Variants in NR2F1-AS1 observed in about 807,000 individuals in gnomAD.
NR2F1-AS1 encodes the protein NR2F1 antisense RNA 1.
intron 4 of NR2F1-AS1, among the ~76,000 whole-genome samples, chr5:93,531,705 A>G (rs1580308622): frequency 6.6e-6 from 1 of 152,168 alleles, no homozygotes; most frequent in East Asian, 1.9e-4. Flanking sequence ...TTAACAAAGT[A>G]TTACAATCCA....
At chr5:93,571,231 C>T (rs1457831807) in intron 1 of NR2F1-AS1, 1 of 152,194 alleles carries the variant, frequency 6.6e-6, no homozygotes. Flanking sequence ...GACCTAGCGC[C>T]AGGTCACGAT....
chr5:93,529,379 CACT>C (rs1350651375), intron 4 of NR2F1-AS1, among the ~76,000 whole-genome samples: 12 of 152,136 alleles, frequency 7.9e-5, no homozygotes, highest in Non-Finnish European at 7.4e-5. Context: ...TAGTAACCAC[CACT>C]GTCTTAGTAA....
At chr5:93,429,319 A>G (rs1230889596) in intron 4 of NR2F1-AS1, among the ~76,000 whole-genome samples, 1 of 152,182 alleles carries the variant, frequency 6.6e-6, no homozygotes, top group Non-Finnish European at 1.5e-5. Context: ...ATGACTTTAC[A>G]TTGCAGATTA....
chr5:93,441,052 T>C (rs773318649), intron 4 of NR2F1-AS1, among the ~76,000 whole-genome samples: 1 of 152,228 alleles, frequency 6.6e-6, no homozygotes, highest in Non-Finnish European at 1.5e-5. Context: ...AAACCTAATA[T>C]TTCTTCACCT....
At chr5:93,535,494 A>G (rs947586774) in intron 4 of NR2F1-AS1, among the ~76,000 whole-genome samples, 2 of 152,048 alleles carry the variant, frequency 1.3e-5, no homozygotes, top group Non-Finnish European at 2.9e-5. Context: ...ATGTTGATGT[A>G]TACAACAGAA....
intron 4 of NR2F1-AS1, chr5:93,410,036 T>C (rs961835634): frequency 6.6e-6 from 1 of 152,212 alleles, no homozygotes; most frequent in Non-Finnish European, 1.5e-5. Context: ...CTAAAATGTG[T>C]CATAGACACT....
At chr5:93,551,382 G>A (rs116659377) in intron 4 of NR2F1-AS1, among the ~76,000 whole-genome samples, 3 of 152,068 alleles carry the variant, frequency 2.0e-5, no homozygotes, top group Non-Finnish European at 2.9e-5. Context: ...TAATACAATA[G>A]TCAAAGAACA....
At chr5:93,409,885 A>T (rs546510780) in intron 4 of NR2F1-AS1, 1 of 152,342 alleles carries the variant, frequency 6.6e-6, no homozygotes, top group East Asian at 1.9e-4. Flanking sequence ...CATTTCTCAG[A>T]CAGCACACAG....
chr5:93,556,506 C>G (rs1032626483), intron 2 of NR2F1-AS1, among the ~76,000 whole-genome samples: 1 of 152,126 alleles, frequency 6.6e-6, no homozygotes, highest in Non-Finnish European at 1.5e-5. Flanking sequence ...TATGTTATAG[C>G]CTTAACCTCC....
intron 4 of NR2F1-AS1, among the ~76,000 whole-genome samples, chr5:93,538,510 T>C (rs1001032138): frequency 2.0e-5 from 3 of 152,108 alleles, no homozygotes; most frequent in African/African-American, 7.2e-5. Context: ...ATTCACAAAA[T>C]ATACAATAAT....
At chr5:93,440,547 C>T (rs1432704711) in intron 4 of NR2F1-AS1, among the ~76,000 whole-genome samples, 4 of 152,216 alleles carry the variant, frequency 2.6e-5, no homozygotes, top group Non-Finnish European at 1.5e-5. Flanking sequence ...TCTCTTGGTT[C>T]TCAGACCTTC....
chr5:93,521,754 C>T (rs1751505440), intron 4 of NR2F1-AS1, among the ~76,000 whole-genome samples: 2 of 152,158 alleles, frequency 1.3e-5, no homozygotes, highest in South Asian at 2.1e-4. Context: ...AACACTTATG[C>T]ACTATTGGTG....
intron 4 of NR2F1-AS1, among the ~76,000 whole-genome samples, chr5:93,455,708 A>G (rs988703264): frequency 3.3e-5 from 5 of 152,124 alleles, no homozygotes; most frequent in South Asian, 4.1e-4. Context: ...ACTAGGGATC[A>G]TATTAAGTAA....
chr5:93,518,696 A>T (rs905335904), intron 4 of NR2F1-AS1, among the ~76,000 whole-genome samples: 1 of 152,106 alleles, frequency 6.6e-6, no homozygotes, highest in Non-Finnish European at 1.5e-5. Flanking sequence ...ATGACAGATA[A>T]TACTAAATAA....
At chr5:93,521,207 C>T (rs1180236449) in intron 4 of NR2F1-AS1, among the ~76,000 whole-genome samples, 1 of 152,086 alleles carries the variant, frequency 6.6e-6, no homozygotes, top group Non-Finnish European at 1.5e-5. Context: ...ACACCACATA[C>T]AAAAATCAAC....
intron 4 of NR2F1-AS1, among the ~76,000 whole-genome samples, chr5:93,516,369 T>C (rs944991158): frequency 2.0e-5 from 3 of 151,890 alleles, no homozygotes; most frequent in Non-Finnish European, 4.4e-5. Context: ...TCACCCTTTC[T>C]AATAAAGAGT....
chr5:93,442,559 G>C (rs1024966883), intron 4 of NR2F1-AS1, among the ~76,000 whole-genome samples: 1 of 152,194 alleles, frequency 6.6e-6, no homozygotes, highest in African/African-American at 2.4e-5. Context: ...AAACTGGGTG[G>C]AGCCCACCAC....
At position 93,460,683 on chromosome 5, in the gene NR2F1-AS1, G is replaced by C. The variant is rs140732951; in HGVS notation, n.639-65141C>G. Among the ~76,000 whole-genome samples, 251 of 152,124 alleles carry C rather than the reference G, an allele frequency of 1.6e-3. 1 individual carries two copies. The highest frequency in any genetic ancestry group is 5.7e-3 in the African/African-American group (238 of 41,492). ...TTCAGCCACCCAAAGGACATGAACA[G>C]ACACTTATCAGAAGACATACATGCA... On this transcript the variant is annotated intron_variant and non_coding_transcript_variant, in intron 4 of 5. Coordinates refer to ENST00000660523, the Ensembl canonical transcript of NR2F1-AS1.
intron 4 of NR2F1-AS1, among the ~76,000 whole-genome samples, chr5:93,479,237 C>A (rs552620547): frequency 6.6e-6 from 1 of 152,250 alleles, no homozygotes; most frequent in South Asian, 2.1e-4. Context: ...AATTGGGTTT[C>A]TGTATTTTGA....
Sources: allele counts gnomAD v4.1 joint callset (sites outside exome capture counted in the v4.1 genomes callset), GRCh38; gene constraint gnomAD v4.1.1; transcripts MANE v1.5; gene names NCBI Gene and HGNC (gene_info 2026-07-23, HGNC 2026-07-21).